The following EVL variants were observed in gnomAD, a reference collection of about 807,000 sequenced individuals.
EVL encodes ena/VASP-like protein.
A neutral mutation model predicts 59.6 loss-of-function variants in EVL; 21 were observed. The ratio of observed to expected loss-of-function variants is 0.35; its 90% CI spans 0.25 to 0.51. The LOEUF (loss-of-function observed/expected upper bound fraction) is 0.51. Among genes scored for constraint, EVL ranks in the 20% least tolerant of loss-of-function variants. EVL has a pLI of 0.97. For synonymous variants in EVL, 198 were observed against 203.5 expected (o/e 0.97, Z 0.23); for missense variants, 462 against 546.6 (o/e 0.85, Z 1.54).
At chr14:100,133,961 C>A (rs894232360) in intron 8 of EVL, among the ~76,000 whole-genome samples, 17 of 150,692 alleles carry the variant, frequency 1.1e-4, no homozygotes, top group Non-Finnish European at 2.2e-4. Flanking sequence ...ACAACAACAA[C>A]AAAAAAACAG....
chr14:100,003,893 T>C (rs2060962030), intron 1 of EVL, among the ~76,000 whole-genome samples: 2 of 152,182 alleles, frequency 1.3e-5, no homozygotes, highest in Non-Finnish European at 2.9e-5. Flanking sequence ...GAAGAAAACA[T>C]TCCTTTTAGA....
intron 1 of EVL, among the ~76,000 whole-genome samples, chr14:100,047,052 A>T (rs1456569024): frequency 6.8e-6 from 1 of 146,046 alleles, no homozygotes; most frequent in Admixed American, 6.8e-5. Flanking sequence ...CGCGCCCAGC[A>T]GGAGGGTTGA....
At chr14:100,068,153 G>C (rs368255974) in intron 1 of EVL, among the ~76,000 whole-genome samples, 1 of 152,138 alleles carries the variant, frequency 6.6e-6, no homozygotes, top group Non-Finnish European at 1.5e-5. Context: ...ACTGGGCCAC[G>C]CCTTAGGGGA....
rs577070759 is a variant in EVL at position 100,135,876 on chromosome 14, T to C, written c.901-29T>C. ...CTGCCCTGGCCCCAGGTGGCCTTCC[T>C]AAACAGACTCCCTTCTTCTCCATTT... On this transcript the variant is annotated intron_variant, in intron 8 of 13. Coordinates refer to ENST00000392920, the MANE Select transcript of EVL (RefSeq NM_016337.3). 4.3e-6 allele frequency: 7 copies of C among 1,613,548 alleles called. No homozygotes were observed. In the South Asian group the frequency reaches 7.7e-5, roughly 18 times the overall value.
intron 2 of EVL, among the ~76,000 whole-genome samples, chr14:100,086,269 T>C (rs1340619786): frequency 6.6e-6 from 1 of 152,186 alleles, no homozygotes; most frequent in African/African-American, 2.4e-5. Flanking sequence ...ATTCACTAAT[T>C]CTAGATCTGC....
Position 100,137,655 on chromosome 14 carries a change from C to T in EVL, c.1031+11C>T, listed in dbSNP as rs770775723. ...CTCGATTCTGTCCAGGTGAGCTGCC[C>T]CAGGAAGGCCTGAGCAGCGAGGCTG... On this transcript the variant is annotated intron_variant, in intron 10 of 13. Transcript: ENST00000392920. The T allele has an allele frequency of 4.3e-6, 7 of 1,614,012 alleles. No individual in the cohort carries two copies. In the Admixed American group the frequency reaches 5.0e-5, roughly 12 times the overall value.
At chr14:100,065,651 T>G in intron 1 of EVL, 140 bp downstream of exon 1, 1 of 404,232 alleles carries the variant, frequency 2.5e-6, no homozygotes, top group Non-Finnish European at 4.4e-6. Flanking sequence ...GCAGGGGGCT[T>G]ACATGAGGTT....
chr14:100,095,331 T>C (rs1595169084), intron 2 of EVL, among the ~76,000 whole-genome samples: 1 of 152,170 alleles, frequency 6.6e-6, no homozygotes, highest in East Asian at 1.9e-4. Flanking sequence ...ACAAAAAACT[T>C]GAACACAGAA....
intron 1 of EVL, among the ~76,000 whole-genome samples, chr14:100,027,823 C>T (rs530971090): frequency 2.6e-5 from 4 of 152,000 alleles, no homozygotes; most frequent in African/African-American, 7.2e-5. Context: ...TACAGGCATG[C>T]GCCACTATGC....
At chr14:100,012,777 T>C (rs560102419) in intron 1 of EVL, among the ~76,000 whole-genome samples, 1 of 152,350 alleles carries the variant, frequency 6.6e-6, no homozygotes, top group South Asian at 2.1e-4. Flanking sequence ...TGATCTTGGC[T>C]CTGTTTCATT....
chr14:99,998,282 G>T (rs2060926110), intron 1 of EVL, among the ~76,000 whole-genome samples: 1 of 152,036 alleles, frequency 6.6e-6, no homozygotes, highest in Admixed American at 6.6e-5. Context: ...CTCCCAAAGT[G>T]CTGGGATTAC....
At chr14:100,124,973 C>G (rs1230858580) in intron 4 of EVL, among the ~76,000 whole-genome samples, 1 of 152,084 alleles carries the variant, frequency 6.6e-6, no homozygotes, top group African/African-American at 2.4e-5. Flanking sequence ...CGGACACACA[C>G]ACCTGCTGCA....
At chr14:99,988,310 A>ATT (rs2140176000) in intron 1 of EVL, among the ~76,000 whole-genome samples, 1 of 152,328 alleles carries the variant, frequency 6.6e-6, no homozygotes, top group South Asian at 2.1e-4. Context: ...AAAGGTGCTT[A>ATT]GCATCATTAG....
intron 1 of EVL, among the ~76,000 whole-genome samples, chr14:100,059,952 A>T (rs1241512896): frequency 1.3e-5 from 2 of 152,196 alleles, no homozygotes; most frequent in African/African-American, 2.4e-5. Flanking sequence ...AGACATATAG[A>T]GTCAGAAAAT....
chr14:100,085,580 G>A (rs955190948), intron 2 of EVL, among the ~76,000 whole-genome samples: 4 of 152,284 alleles, frequency 2.6e-5, no homozygotes, highest in African/African-American at 9.6e-5. Flanking sequence ...TGTGATTATA[G>A]CATTTGTGAA....
intron 3 of EVL, among the ~76,000 whole-genome samples, chr14:100,100,905 C>T (rs1426327082): frequency 6.6e-6 from 1 of 151,436 alleles, no homozygotes; most frequent in Non-Finnish European, 1.5e-5. Flanking sequence ...TACTTTTAAA[C>T]ATGTTGGTTG....
chr14:100,028,088 C>T (rs991228985), intron 1 of EVL, among the ~76,000 whole-genome samples: 4 of 149,756 alleles, frequency 2.7e-5, no homozygotes, highest in Non-Finnish European at 4.4e-5. Flanking sequence ...AGTGAGATTT[C>T]TGGATCATAT....
At position 100,083,916 on chromosome 14, in the gene EVL, T is replaced by A. The variant is rs151149551; in HGVS notation, c.12-771T>A. On this transcript the variant is annotated intron_variant, in intron 1 of 13. Coordinates refer to ENST00000392920, the MANE Select transcript of EVL (RefSeq NM_016337.3). ...CCCCAGTGTAATCACTGAATACGTGTATGAACTTGTATACATCTTTGCAAG... is the reference window on the plus strand; with the variant it reads ...CCCCAGTGTAATCACTGAATACGTGAATGAACTTGTATACATCTTTGCAAG... Among the ~76,000 whole-genome samples the A allele has an allele frequency of 3.5e-4, 53 of 152,320 alleles. 1 individual carries two copies. In the East Asian group the frequency reaches 9.0e-3, roughly 26 times the overall value.
chr14:100,128,370 T>G (rs1358355206), intron 5 of EVL, 149 bp from the exon 6 acceptor site: 3 of 816,464 alleles, frequency 3.7e-6, no homozygotes, highest in Non-Finnish European at 6.4e-6. Flanking sequence ...CCGCGGAGGC[T>G]TCCTGGATGA....
Sources: allele counts gnomAD v4.1 joint callset (sites outside exome capture counted in the v4.1 genomes callset), GRCh38; gene constraint gnomAD v4.1.1; transcripts MANE v1.5; gene names NCBI Gene and HGNC (gene_info 2026-07-23, HGNC 2026-07-21).